CNTNAP2: variants seen among roughly 807,000 people sequenced by gnomAD.
CNTNAP2 encodes contactin associated protein 2.
A neutral mutation model predicts 155.2 loss-of-function variants in CNTNAP2; 98 were observed. That is an observed-to-expected ratio of 0.63 (90% CI 0.54 to 0.75). The LOEUF is 0.75. Among genes scored for constraint, CNTNAP2 ranks in the 30% least tolerant of loss-of-function variants. The pLI is 0.00. For synonymous variants in CNTNAP2, 651 were observed against 631.2 expected, an observed-to-expected ratio of 1.03 and a Z score of -0.47; for missense variants, 1,727 against 1,688.1, an observed-to-expected ratio of 1.02 and a Z score of -0.40.
In CNTNAP2 at chr7:148,417,690, G is replaced by C. The variant is rs1800026352; in HGVS notation, c.*2074G>C. On this transcript the variant is annotated 3_prime_UTR_variant, in exon 24 of 24. Transcript: ENST00000361727. ...AACATGATGTTTTAGAAGTGTTTCT[G>C]ATTTTTAAACCTGGTTTACAGGTAT... 6.6e-6 allele frequency: 1 copy of C among 152,168 alleles called. No individual in the cohort carries two copies. The highest frequency in any genetic ancestry group is 2.1e-4 in the South Asian group (1 of 4,828). 9.4% of individuals were successfully genotyped at this position (152,168 alleles called of 1,614,324 possible).
intron 21 of CNTNAP2, among the ~76,000 whole-genome samples, chr7:148,294,623 TG>T (rs1410102377): frequency 6.6e-6 from 1 of 152,210 alleles, no homozygotes; most frequent in African/African-American, 2.4e-5. Context: ...CTTGTCTATT[TG>T]TGTATTGATC....
intron 4 of CNTNAP2, among the ~76,000 whole-genome samples, chr7:147,093,650 C>T (rs900278512): frequency 3.9e-5 from 6 of 152,142 alleles, no homozygotes; most frequent in African/African-American, 1.4e-4. Context: ...ACACAATTCT[C>T]ACACACAAAA....
intron 1 of CNTNAP2, among the ~76,000 whole-genome samples, chr7:146,450,988 C>T (rs891513155): frequency 6.7e-6 from 1 of 149,516 alleles, no homozygotes; most frequent in Admixed American, 6.6e-5. Flanking sequence ...GCCCTGTCGT[C>T]CAGGCTGGAG....
chr7:147,482,401 A>G (rs934992891), intron 10 of CNTNAP2, among the ~76,000 whole-genome samples: 4 of 152,246 alleles, frequency 2.6e-5, no homozygotes, highest in South Asian at 4.1e-4. Flanking sequence ...ACCTATAATC[A>G]TCACAGGGAG....
At chr7:147,454,361 T>A (rs952553868) in intron 10 of CNTNAP2, among the ~76,000 whole-genome samples, 2 of 152,218 alleles carry the variant, frequency 1.3e-5, no homozygotes, top group Admixed American at 1.3e-4. Context: ...CCTCTTGTTT[T>A]ATAAATTGTC....
chr7:148,111,150 T>C (rs1171768811), intron 15 of CNTNAP2, among the ~76,000 whole-genome samples: 1 of 152,056 alleles, frequency 6.6e-6, no homozygotes, highest in African/African-American at 2.4e-5. Context: ...CTGTTCGGTA[T>C]AAACAGACAG....
At chr7:146,262,696 G>C (rs1478697724) in intron 1 of CNTNAP2, among the ~76,000 whole-genome samples, 1 of 152,208 alleles carries the variant, frequency 6.6e-6, no homozygotes, top group Non-Finnish European at 1.5e-5. Context: ...TTTAGTAACA[G>C]TGTGAAAATG....
At chr7:146,728,086 C>T (rs563730725) in intron 1 of CNTNAP2, among the ~76,000 whole-genome samples, 27 of 152,244 alleles carry the variant, frequency 1.8e-4, no homozygotes, top group African/African-American at 6.0e-4. Context: ...GCTGAGGAGG[C>T]GGGCACCCAA....
rs56962242 is a variant in CNTNAP2, at chr7:147,971,482, C to CCA, written c.2256-6380_2256-6379insCA. 4.8e-3 allele frequency among the ~76,000 whole-genome samples: 728 copies of CCA among 152,032 alleles called. 8 individuals carry two copies. Among genetic ancestry groups the CCA allele is most frequent in the African/African-American group, 0.017 (711 of 41,430 alleles). ...TGAATTTCTGTTTCTACTCCCAGCC[C>CCA]GACAACCACTAATCTCCTTTCTGTC... is the stretch of plus-strand genomic sequence containing the variant. On this transcript the variant is annotated intron_variant, in intron 14 of 23. Transcript: ENST00000361727.
At chr7:147,489,436 A>T (rs767306360) in intron 11 of CNTNAP2, among the ~76,000 whole-genome samples, 1 of 152,236 alleles carries the variant, frequency 6.6e-6, no homozygotes, top group Non-Finnish European at 1.5e-5. Context: ...AAATTGTTGA[A>T]GTTTTAAACT....
chr7:147,115,367 T>C (rs1800964518), intron 5 of CNTNAP2, among the ~76,000 whole-genome samples: 1 of 152,224 alleles, frequency 6.6e-6, no homozygotes, highest in South Asian at 2.1e-4. Context: ...GTTGGCCTTC[T>C]TCCTAGGTTG....
chr7:146,721,044 A>C (rs1402186943), intron 1 of CNTNAP2, among the ~76,000 whole-genome samples: 1 of 135,922 alleles, frequency 7.4e-6, no homozygotes, highest in African/African-American at 2.7e-5. Context: ...TATATATTCT[A>C]TATATATACT....
chr7:146,664,978 G>A (rs1009747894), intron 1 of CNTNAP2, among the ~76,000 whole-genome samples: 1 of 152,054 alleles, frequency 6.6e-6, no homozygotes, highest in African/African-American at 2.4e-5. Flanking sequence ...TTGAGATGGA[G>A]TCTTGCTCTC....
At chr7:147,252,107 T>C (rs1489771770) in intron 8 of CNTNAP2, among the ~76,000 whole-genome samples, 1 of 152,156 alleles carries the variant, frequency 6.6e-6, no homozygotes, top group African/African-American at 2.4e-5. Context: ...AAACGTGCTG[T>C]TGGATGAAAA....
At chr7:148,400,191 A>C (rs778848492) in intron 22 of CNTNAP2, among the ~76,000 whole-genome samples, 3 of 152,226 alleles carry the variant, frequency 2.0e-5, no homozygotes, top group Non-Finnish European at 4.4e-5. Flanking sequence ...CACCAGTTAC[A>C]CAAGTGCAGA....
chr7:146,889,062 G>T (rs1199994811), intron 3 of CNTNAP2, among the ~76,000 whole-genome samples: 1 of 151,934 alleles, frequency 6.6e-6, no homozygotes, highest in Non-Finnish European at 1.5e-5. Context: ...GGAACTGATA[G>T]ATATGTTTAT....
chr7:147,833,213 G>C (rs1268591059), intron 13 of CNTNAP2, among the ~76,000 whole-genome samples: 1 of 151,524 alleles, frequency 6.6e-6, no homozygotes, highest in Non-Finnish European at 1.5e-5. Flanking sequence ...GGGAACATGA[G>C]GAGATGGTAT....
intron 1 of CNTNAP2, among the ~76,000 whole-genome samples, chr7:146,148,460 A>G (rs1562967875): frequency 6.6e-6 from 1 of 152,162 alleles, no homozygotes. Flanking sequence ...AAAAGAATTC[A>G]CAATAGAATT....
Position 146,319,344 on chromosome 7 carries a change from G to A in CNTNAP2, c.97+202371G>A, listed in dbSNP as rs188638775. ...CTTGTCATAATTACACATTGATAAA[G>A]GGATTTCACTGTCATATCATCATTT... On this transcript the variant is annotated intron_variant, in intron 1 of 23. Coordinates refer to ENST00000361727, the MANE Select transcript of CNTNAP2 (RefSeq NM_014141.6). 1.5e-3 allele frequency among the ~76,000 whole-genome samples: 223 copies of A among 152,198 alleles called. 4 individuals are homozygous for A. In the East Asian group the frequency reaches 0.018, roughly 13 times the overall value.
Sources: allele counts gnomAD v4.1 joint callset (sites outside exome capture counted in the v4.1 genomes callset), GRCh38; gene constraint gnomAD v4.1.1; transcripts MANE v1.5; gene names NCBI Gene and HGNC (gene_info 2026-07-23, HGNC 2026-07-21).